SMARCA2: variants seen among roughly 807,000 people sequenced by gnomAD.
The protein encoded by SMARCA2 is SWI/SNF related BAF chromatin remodeling complex subunit ATPase 2, also known as SWI/SNF-related matrix-associated actin-dependent regulator of chromatin subfamily A member 2.
In SMARCA2, 61 loss-of-function variants were observed where a neutral mutation model predicts 199.8. That is an observed-to-expected ratio of 0.31 (90% CI 0.25 to 0.38). The LOEUF (loss-of-function observed/expected upper bound fraction) is 0.38, where lower values mean the gene tolerates loss of function less well. SMARCA2 is among the 10% of genes least tolerant of loss of function. SMARCA2 has a pLI of 1.00. For synonymous variants in SMARCA2, 935 were observed against 732.0 expected (o/e 1.28, Z -4.48); for missense variants, 1,344 against 2,012.2 (o/e 0.67, Z 6.35).
intron 29 of SMARCA2, among the ~76,000 whole-genome samples, chr9:2,172,017 C>T (rs867502014): frequency 1.2e-4 from 19 of 152,238 alleles, no homozygotes; most frequent in Middle Eastern, 6.8e-3. Flanking sequence ...CTGTAATTTC[C>T]AGAGACATAG....
chr9:2,101,490 G>T, intron 21 of SMARCA2, 80 bp from the exon 22 acceptor site: 1 of 719,690 alleles, frequency 1.4e-6, no homozygotes, highest in Non-Finnish European at 2.3e-6. Flanking sequence ...AAATAGGTAG[G>T]ATAACCTCAC....
At position 2,170,718 on chromosome 9, in the gene SMARCA2, G is replaced by A. The variant is rs576454011; in HGVS notation, c.4253+246G>A. 1.2e-4 allele frequency among the ~76,000 whole-genome samples: 19 copies of A among 152,206 alleles called. No individual in the cohort carries two copies. The highest frequency in any genetic ancestry group is 3.6e-4 in the African/African-American group (15 of 41,530). On this transcript the variant is annotated intron_variant, in intron 29 of 33. Transcript: ENST00000349721. This position sits in a 1 kb window ranked among gnomAD's most constrained non-coding sequence, Gnocchi z 4.7. ...ACATGCACTCCTTACAAGGGTATTGGGAGCTCCTGGAAAGCCCGCCCTAAC... is the reference window on the plus strand; with the variant it reads ...ACATGCACTCCTTACAAGGGTATTGAGAGCTCCTGGAAAGCCCGCCCTAAC...
At chr9:2,125,729 A>C (rs1245219174) in intron 27 of SMARCA2, among the ~76,000 whole-genome samples, 1 of 152,178 alleles carries the variant, frequency 6.6e-6, no homozygotes, top group East Asian at 1.9e-4. Context: ...AGCTCGGGTG[A>C]TCCACCTGCC....
At chr9:2,159,709 G>T in intron 27 of SMARCA2, 4 of 1,448,768 alleles carry the variant, frequency 2.8e-6, no homozygotes, top group Non-Finnish European at 3.7e-6. Context: ...TGAAACAGCA[G>T]ATTTGAGTAT....
chr9:2,081,703 AT>A, intron 14 of SMARCA2, 128 bp from the exon 15 acceptor site: 1 of 715,246 alleles, frequency 1.4e-6, no homozygotes, highest in Non-Finnish European at 2.3e-6. Context: ...TGCTTCCCCC[AT>A]TTTCCTACTG....
chr9:2,067,946 T>A (rs1315696327), intron 9 of SMARCA2, among the ~76,000 whole-genome samples: 1 of 152,256 alleles, frequency 6.6e-6, no homozygotes, highest in Non-Finnish European at 1.5e-5. Flanking sequence ...AGCTTTTTAA[T>A]GTACTATTCA....
intron 2 of SMARCA2, among the ~76,000 whole-genome samples, chr9:2,032,033 T>C (rs1819094099): frequency 6.6e-6 from 1 of 152,324 alleles, no homozygotes; most frequent in South Asian, 2.1e-4. Context: ...ACATCCTCTT[T>C]ATGATACATT....
intron 1 of SMARCA2, among the ~76,000 whole-genome samples, chr9:2,019,242 G>A (rs1003752070): frequency 2.6e-5 from 4 of 152,066 alleles, no homozygotes; most frequent in Non-Finnish European, 5.9e-5. Flanking sequence ...GGAATGTGGG[G>A]TATCAGAACC....
In SMARCA2 at chr9:2,114,527, T is replaced by A. The variant is rs989483905; in HGVS notation, c.3457-1295T>A. Among the ~76,000 whole-genome samples the A allele has an allele frequency of 7.2e-5, 11 of 152,290 alleles. No individual in the cohort carries two copies. The East Asian group carries it at 2.1e-3, about 29-fold the overall frequency. On this transcript the variant is annotated intron_variant, in intron 24 of 33. Transcript: ENST00000349721. Reference sequence around the variant, plus strand: ...GGGATGTGGGATACAGAAAACAGACTTTTGCCCTAAAAATCTATACAGTCT... The same window carrying A: ...GGGATGTGGGATACAGAAAACAGACATTTGCCCTAAAAATCTATACAGTCT...
At position 2,110,441 on chromosome 9, in the gene SMARCA2, C is replaced by T; in HGVS notation, c.3456+24C>T. The T allele has an allele frequency of 1.3e-6, 2 of 1,554,460 alleles. No homozygotes were observed. The highest frequency in any genetic ancestry group is 1.7e-6 in the Non-Finnish European group (2 of 1,152,244). ...AGGTCTGCATGTCCCACTCAGGTGC[C>T]CAGGCCTCCCTCTGGAGAGCAACTA... On this transcript the variant is annotated intron_variant, in intron 24 of 33. Transcript: ENST00000349721. The surrounding 1 kb of genome is among the most constrained non-coding windows in gnomAD (Gnocchi z 4.8).
intron 27 of SMARCA2, among the ~76,000 whole-genome samples, chr9:2,135,544 C>T (rs1428629567): frequency 6.6e-6 from 1 of 152,144 alleles, no homozygotes; most frequent in African/African-American, 2.4e-5. Flanking sequence ...GGATCCCTTC[C>T]ATCTATCTAA....
chr9:2,082,853 C>T (rs1821628300), intron 15 of SMARCA2, among the ~76,000 whole-genome samples: 1 of 152,104 alleles, frequency 6.6e-6, no homozygotes, highest in Admixed American at 6.5e-5. Context: ...TGCATTTGAT[C>T]TATATTTTGC....
intron 9 of SMARCA2, 61 bp downstream of exon 9, chr9:2,061,047 G>T: frequency 6.8e-7 from 1 of 1,481,166 alleles, no homozygotes; most frequent in Non-Finnish European, 9.2e-7. Context: ...AGTTTTTAAG[G>T]CGAGTATTGC....
At chr9:2,096,456 C>T (rs943286653) in intron 19 of SMARCA2, 6 of 469,978 alleles carry the variant, frequency 1.3e-5, no homozygotes, top group Middle Eastern at 5.6e-4. Context: ...CTTCAGAAGG[C>T]CCCCCCATCA....
chr9:2,111,250 G>A (rs1414644766), intron 24 of SMARCA2, among the ~76,000 whole-genome samples: 3 of 151,944 alleles, frequency 2.0e-5, no homozygotes, highest in African/African-American at 7.3e-5. Flanking sequence ...ACTTTGGGAG[G>A]TTGAGGCAGG....
chr9:2,191,546 T>C (rs1409471068), intron 33 of SMARCA2, 138 bp downstream of exon 33: 5 of 930,080 alleles, frequency 5.4e-6, no homozygotes, highest in African/African-American at 3.3e-5. Context: ...GATTTCATTA[T>C]TGAGGGATGT....
intron 28 of SMARCA2, among the ~76,000 whole-genome samples, chr9:2,165,794 T>C (rs1199209797): frequency 2.6e-5 from 4 of 152,202 alleles, no homozygotes; most frequent in Non-Finnish European, 5.9e-5. Context: ...ATTCCAACTC[T>C]AGAGACATGG....
At chr9:2,105,114 C>T (rs1404553637) in intron 23 of SMARCA2, among the ~76,000 whole-genome samples, 1 of 152,068 alleles carries the variant, frequency 6.6e-6, no homozygotes, top group Non-Finnish European at 1.5e-5. Flanking sequence ...GGATAGATAC[C>T]AAACTCAGAC....
Position 2,087,761 on chromosome 9 carries a change from C to G in SMARCA2, c.2769+690C>G, listed in dbSNP as rs60057140. ...CCTCATTCATAGGAATGAAAAGCCA[C>G]TAAAAATGCTTTAGTAAAATTTCGG... On this transcript the variant is annotated intron_variant, in intron 18 of 33. Transcript: ENST00000349721. Among the ~76,000 whole-genome samples, 664 of 152,290 alleles carry G rather than the reference C, an allele frequency of 4.4e-3. 16 individuals carry two copies. The highest frequency in any genetic ancestry group is 0.042 in the East Asian group (215 of 5,178).
Sources: gnomAD v4.1 joint callset for allele counts (sites outside exome capture counted in the v4.1 genomes callset) on GRCh38, gnomAD v4.1.1 for gene constraint, Gnocchi (gnomAD v3.1) non-coding constraint, MANE v1.5 for transcripts, NCBI Gene and HGNC (gene_info 2026-07-23, HGNC 2026-07-21) for gene names.